Variants in ERC1 observed in about 807,000 individuals in gnomAD.
ERC1 encodes RAB6 interacting protein 2.
ERC1 carries 56 observed loss-of-function variants against 132.0 expected under a neutral mutation model. The ratio of observed to expected loss-of-function variants is 0.42; its 90% CI spans 0.34 to 0.53. ERC1 has a LOEUF of 0.53. Ranked by LOEUF, ERC1 falls within the 20% of genes least tolerant of loss-of-function variation. ERC1 has a pLI of 0.03. For missense variants in ERC1, 1,202 were observed against 1,349.9 expected, an observed-to-expected ratio of 0.89 and a Z score of 1.72; for synonymous variants, 478 against 476.1, an observed-to-expected ratio of 1.00 and a Z score of -0.05.
At chr12:1,179,653 G>A (rs890117787) in intron 8 of ERC1, among the ~76,000 whole-genome samples, 13 of 150,722 alleles carry the variant, frequency 8.6e-5, no homozygotes, top group Admixed American at 2.0e-4. Context: ...GACTACAGGC[G>A]CCCGCCACTA....
intron 15 of ERC1, among the ~76,000 whole-genome samples, chr12:1,341,534 C>T (rs910374344): frequency 4.6e-5 from 7 of 151,942 alleles, no homozygotes; most frequent in Non-Finnish European, 7.4e-5. Flanking sequence ...AAGCTGGAAC[C>T]ATCATTCTCA....
chr12:1,451,138 T>G (rs1454773290), intron 18 of ERC1, among the ~76,000 whole-genome samples: 5 of 152,220 alleles, frequency 3.3e-5, no homozygotes, highest in African/African-American at 9.6e-5. Context: ...AATAGTGTCT[T>G]TCGATGCACA....
rs185445205 is a variant in ERC1 at position 1,188,276 on chromosome 12, C to T, written c.2158-1583C>T. Reference sequence around the variant, plus strand: ...TCTTCAATCTCTTCGCCTTTGTTGTCCCCTCTCTTTATGTGTAATATGATC... The same window carrying T: ...TCTTCAATCTCTTCGCCTTTGTTGTTCCCTCTCTTTATGTGTAATATGATC... On this transcript the variant is annotated intron_variant, in intron 11 of 18. Coordinates refer to ENST00000360905, the MANE Select transcript of ERC1 (RefSeq NM_178040.4). Among the ~76,000 whole-genome samples the T allele has an allele frequency of 3.9e-5, 6 of 152,162 alleles. No individual in the cohort carries two copies. The East Asian group carries it at 1.2e-3, about 29-fold the overall frequency.
At chr12:1,269,470 C>T (rs971616615) in intron 14 of ERC1, among the ~76,000 whole-genome samples, 3 of 152,074 alleles carry the variant, frequency 2.0e-5, no homozygotes, top group African/African-American at 4.8e-5. Flanking sequence ...CGGGCAAGAA[C>T]AGTGCAAGCT....
At chr12:1,032,746 A>C (rs1968285425) in intron 2 of ERC1, among the ~76,000 whole-genome samples, 2 of 152,224 alleles carry the variant, frequency 1.3e-5, no homozygotes, top group Admixed American at 6.5e-5. Context: ...TGTCAGTACA[A>C]TACTGACTTT....
intron 18 of ERC1, among the ~76,000 whole-genome samples, chr12:1,480,279 T>G (rs1053331950): frequency 6.6e-5 from 10 of 152,224 alleles, no homozygotes; most frequent in Non-Finnish European, 1.5e-4. Flanking sequence ...ATCGGTTTAC[T>G]CTGGAAGTGT....
At chr12:1,120,614 T>C (rs1414618245) in intron 7 of ERC1, among the ~76,000 whole-genome samples, 1 of 152,230 alleles carries the variant, frequency 6.6e-6, no homozygotes, top group Non-Finnish European at 1.5e-5. Context: ...TACCATTAAA[T>C]GTATTTTCAG....
intron 16 of ERC1, among the ~76,000 whole-genome samples, chr12:1,376,585 C>G (rs1028373074): frequency 6.6e-6 from 1 of 152,134 alleles, no homozygotes; most frequent in Non-Finnish European, 1.5e-5. Flanking sequence ...TTTGGGGAAG[C>G]GCTTCAGACC....
intron 13 of ERC1, among the ~76,000 whole-genome samples, chr12:1,239,413 G>A (rs980570297): frequency 2.0e-5 from 3 of 152,120 alleles, no homozygotes; most frequent in Non-Finnish European, 4.4e-5. Flanking sequence ...CCACCACTGC[G>A]TTGTCATTTA....
intron 17 of ERC1, among the ~76,000 whole-genome samples, chr12:1,408,644 T>C (rs2091658449): frequency 6.6e-6 from 1 of 152,234 alleles, no homozygotes; most frequent in Non-Finnish European, 1.5e-5. Flanking sequence ...AGGCACAGTT[T>C]GGAGGTTATT....
Position 1,444,651 on chromosome 12 carries a change from C to A in ERC1, c.3114C>A (p.Asp1038Glu). The A allele has an allele frequency of 6.2e-7, 1 of 1,614,016 alleles. No individual in the cohort carries two copies. The highest frequency in any genetic ancestry group is 8.5e-7 in the Non-Finnish European group (1 of 1,179,882). ...GHLTTLCHDR[D>E]PLILRGLTPP... ...TGACAACCCTCTGCCATGACCGAGA[C>A]CCCCTGATCCTCCGTGGACTCACTC... Residue 1038 changes from aspartate (D) to glutamate (E), a missense_variant, in exon 18 of 19, where the codon GAC (aspartate) becomes GAA (glutamate). Physicochemically the swap from Asp to Glu is conservative, Grantham distance 45. Coordinates refer to ENST00000360905, the MANE Select transcript of ERC1 (RefSeq NM_178040.4).
chr12:1,486,666 C>T (rs2094222563), intron 18 of ERC1, among the ~76,000 whole-genome samples: 3 of 152,114 alleles, frequency 2.0e-5, no homozygotes, highest in Admixed American at 2.0e-4. Flanking sequence ...CTCAAGGGAT[C>T]CGCCCACCTC....
chr12:1,130,063 A>C (rs1485893245), intron 7 of ERC1, among the ~76,000 whole-genome samples: 1 of 152,238 alleles, frequency 6.6e-6, no homozygotes, highest in African/African-American at 2.4e-5. Context: ...ATAATACAGC[A>C]GGTGGAATTC....
intron 1 of ERC1, among the ~76,000 whole-genome samples, chr12:994,066 C>CAAAAAAAAAAAAAAAA (rs72073964): frequency 7.8e-5 from 5 of 64,206 alleles, no homozygotes; most frequent in African/African-American, 9.9e-5. Flanking sequence ...AACTCCGTCT[C>CAAAAAAAAAAAAAAAA]AAAAAAAAAA....
At chr12:1,035,387 TG>T (rs1755598335) in intron 2 of ERC1, among the ~76,000 whole-genome samples, 1 of 152,228 alleles carries the variant, frequency 6.6e-6, no homozygotes. Flanking sequence ...TTGATATGTG[TG>T]GTTCTTTATT....
intron 14 of ERC1, among the ~76,000 whole-genome samples, chr12:1,270,545 G>T (rs1316213474): frequency 6.6e-6 from 1 of 151,880 alleles, no homozygotes; most frequent in Non-Finnish European, 1.5e-5. Context: ...ATATTAACAA[G>T]GGGTATCTAA....
chr12:1,184,897 C>A (rs1027708314), intron 11 of ERC1, among the ~76,000 whole-genome samples: 1 of 152,030 alleles, frequency 6.6e-6, no homozygotes, highest in Admixed American at 6.6e-5. Context: ...GGACTACAGA[C>A]CCATGCCACA....
intron 17 of ERC1, among the ~76,000 whole-genome samples, chr12:1,421,606 A>G (rs1463306105): frequency 6.6e-6 from 1 of 152,194 alleles, no homozygotes; most frequent in East Asian, 1.9e-4. Context: ...AAAATATCTT[A>G]AAGACCAATC....
intron 13 of ERC1, among the ~76,000 whole-genome samples, chr12:1,261,346 T>A (rs1262124144): frequency 6.6e-6 from 1 of 152,240 alleles, no homozygotes; most frequent in Non-Finnish European, 1.5e-5. Flanking sequence ...ATCAACTTTA[T>A]GTATTAATAA....
Sources: gnomAD v4.1 joint callset for allele counts (sites outside exome capture counted in the v4.1 genomes callset) on GRCh38, gnomAD v4.1.1 for gene constraint, MANE v1.5 for transcripts, NCBI Gene and HGNC (gene_info 2026-07-23, HGNC 2026-07-21) for gene names.